Variants in CA10 observed in about 807,000 individuals in gnomAD.
The protein encoded by CA10 is carbonic anhydrase-related protein 10.
Under a neutral mutation model 44.2 loss-of-function variants are expected in CA10, and 14 were observed. The observed-to-expected ratio is 0.32, with a 90% CI of 0.21 to 0.50. The LOEUF (loss-of-function observed/expected upper bound fraction) is 0.50, where lower values mean the gene tolerates loss of function less well. Among genes scored for constraint, CA10 ranks in the 20% least tolerant of loss-of-function variants. The pLI is 0.99. For synonymous variants in CA10, 159 were observed against 141.6 expected, an observed-to-expected ratio of 1.12 and a Z score of -0.87; for missense variants, 350 against 409.7, an observed-to-expected ratio of 0.85 and a Z score of 1.26.
At chr17:51,916,249 T>C (rs533914269) in intron 3 of CA10, among the ~76,000 whole-genome samples, 41 of 152,304 alleles carry the variant, frequency 2.7e-4, no homozygotes, top group Admixed American at 1.5e-3. Flanking sequence ...GTTGAGAACA[T>C]TGTGACTGCA....
rs1913902584 is a variant in CA10 at position 51,659,023 on chromosome 17, A to G, written c.466-5287T>C. Among the ~76,000 whole-genome samples, 3 of 152,148 alleles carry G rather than the reference A, an allele frequency of 2.0e-5. No individual in the cohort carries two copies. The South Asian group carries it at 6.2e-4, about 32-fold the overall frequency. ...AGGCAAATTTGTGATGGTTAATTTTATATGGCAACTTGACTGGGCAAAGGG... is the reference window on the plus strand; with the variant it reads ...AGGCAAATTTGTGATGGTTAATTTTGTATGGCAACTTGACTGGGCAAAGGG... On this transcript the variant is annotated intron_variant, in intron 4 of 8. Coordinates refer to ENST00000451037, the MANE Select transcript of CA10 (RefSeq NM_020178.5).
intron 3 of CA10, among the ~76,000 whole-genome samples, chr17:51,787,642 C>T (rs1906343387): frequency 6.6e-6 from 1 of 152,070 alleles, no homozygotes; most frequent in South Asian, 2.1e-4. Context: ...AGGTGCACAC[C>T]ACCATGCCTG....
In CA10 at chr17:51,974,690, C is replaced by T. The variant is rs79810518; in HGVS notation, c.137-43558G>A. ...CTGAAAACTTATTTTACTATTTTAC[C>T]GAAAATAAAATTTTAAAAGCTGTCA... On this transcript the variant is annotated intron_variant, in intron 2 of 8. Coordinates refer to ENST00000451037, the MANE Select transcript of CA10 (RefSeq NM_020178.5). Among the ~76,000 whole-genome samples the T allele has an allele frequency of 2.8e-4, 42 of 151,414 alleles. 2 individuals carry two copies. In the East Asian group the frequency reaches 8.0e-3, roughly 29 times the overall value.
At chr17:51,790,521 T>C (rs1436027470) in intron 3 of CA10, among the ~76,000 whole-genome samples, 2 of 152,252 alleles carry the variant, frequency 1.3e-5, no homozygotes, top group Non-Finnish European at 2.9e-5. Context: ...TTTGTCTACC[T>C]TGAACACATT....
chr17:51,799,368 A>G (rs750607766), intron 3 of CA10, among the ~76,000 whole-genome samples: 2 of 152,198 alleles, frequency 1.3e-5, no homozygotes, highest in African/African-American at 2.4e-5. Flanking sequence ...TCTGTAAGTC[A>G]TCTAGGCAGC....
chr17:51,975,287 A>G (rs1261061483), intron 2 of CA10, among the ~76,000 whole-genome samples: 6 of 152,234 alleles, frequency 3.9e-5, no homozygotes, highest in Non-Finnish European at 2.9e-5. Flanking sequence ...AGAAAATAAA[A>G]TCATAGTGTG....
intron 3 of CA10, among the ~76,000 whole-genome samples, chr17:51,918,791 G>T (rs1272032390): frequency 2.0e-5 from 3 of 152,136 alleles, no homozygotes; most frequent in African/African-American, 7.2e-5. Context: ...CACATTATTT[G>T]CAGTTTGGAT....
chr17:51,825,879 C>T (rs1907988483), intron 3 of CA10, among the ~76,000 whole-genome samples: 3 of 152,222 alleles, frequency 2.0e-5, no homozygotes, highest in Admixed American at 6.5e-5. Flanking sequence ...CCTGATACTC[C>T]AAGATAGGAC....
chr17:52,133,640 A>G lies in CA10; in HGVS notation c.61+24086T>C, dbSNP rs148632446. Among the ~76,000 whole-genome samples the G allele has an allele frequency of 3.3e-3, 499 of 152,262 alleles. 2 individuals carry two copies. Among genetic ancestry groups the G allele is most frequent in the African/African-American group, 0.011 (475 of 41,554 alleles). Reference sequence around the variant, plus strand: ...TTTGACAAATTTTTACTTGTTCTTAATTCTAGCTCAAAGTTCACCTCCTTT... The same window carrying G: ...TTTGACAAATTTTTACTTGTTCTTAGTTCTAGCTCAAAGTTCACCTCCTTT... On this transcript the variant is annotated intron_variant, in intron 1 of 8. Transcript: ENST00000451037.
chr17:52,084,256 G>A (rs1177182550), intron 1 of CA10, among the ~76,000 whole-genome samples: 1 of 152,192 alleles, frequency 6.6e-6, no homozygotes, highest in Admixed American at 6.5e-5. Context: ...ATTTGCCATG[G>A]TGGGACATAA....
chr17:51,748,018 T>C (rs962650537), intron 3 of CA10, among the ~76,000 whole-genome samples, 200 bp from the exon 4 acceptor site: 3 of 152,208 alleles, frequency 2.0e-5, no homozygotes, highest in Admixed American at 6.5e-5. Flanking sequence ...ATAAACCACA[T>C]GATGGCTTAG....
At chr17:52,108,632 G>A (rs578233986) in intron 1 of CA10, among the ~76,000 whole-genome samples, 24 of 148,462 alleles carry the variant, frequency 1.6e-4, no homozygotes, top group East Asian at 6.0e-4. Context: ...CCTGGGAGGT[G>A]GAGGTTGCAG....
chr17:52,109,863 T>C (rs1210939306), intron 1 of CA10, among the ~76,000 whole-genome samples: 1 of 152,184 alleles, frequency 6.6e-6, no homozygotes, highest in Non-Finnish European at 1.5e-5. Flanking sequence ...AAGAATCATG[T>C]TCCTTTCTGA....
At chr17:51,929,920 G>A (rs1004082865) in intron 3 of CA10, among the ~76,000 whole-genome samples, 1 of 152,032 alleles carries the variant, frequency 6.6e-6, no homozygotes, top group African/African-American at 2.4e-5. Context: ...AAATGGTGTC[G>A]ACCACATGCA....
intron 3 of CA10, among the ~76,000 whole-genome samples, chr17:51,777,093 GAA>G (rs1360752086): frequency 6.6e-6 from 1 of 152,024 alleles, no homozygotes; most frequent in African/African-American, 2.4e-5. Flanking sequence ...AAAATGAGAG[GAA>G]AAAAGAGAGA....
chr17:51,774,123 T>C (rs990893542), intron 3 of CA10, among the ~76,000 whole-genome samples: 6 of 152,212 alleles, frequency 3.9e-5, no homozygotes, highest in Non-Finnish European at 7.3e-5. Flanking sequence ...GTCAAGAACA[T>C]TCTCCAAAGT....
chr17:52,055,766 G>A (rs1309554260), intron 2 of CA10, among the ~76,000 whole-genome samples: 2 of 152,124 alleles, frequency 1.3e-5, no homozygotes, highest in Non-Finnish European at 2.9e-5. Flanking sequence ...GAATGGCAGT[G>A]TCTGAATATA....
Position 52,024,507 on chromosome 17 carries a change from G to T in CA10, c.136+47812C>A, listed in dbSNP as rs1165981794. ...CCAAATCACAAGCTGGAGTCAGTGGGGGGTGGGAGGGGGTAAAGCTACTGC... is the reference window on the plus strand; with the variant it reads ...CCAAATCACAAGCTGGAGTCAGTGGTGGGTGGGAGGGGGTAAAGCTACTGC... On this transcript the variant is annotated intron_variant, in intron 2 of 8. Coordinates refer to ENST00000451037, the MANE Select transcript of CA10 (RefSeq NM_020178.5). 2.0e-5 allele frequency among the ~76,000 whole-genome samples: 3 copies of T among 151,872 alleles called. No homozygotes were observed. The East Asian group carries it at 5.8e-4, about 30-fold the overall frequency.
intron 3 of CA10, among the ~76,000 whole-genome samples, chr17:51,923,371 TAA>T (rs754895351): frequency 1.2e-3 from 180 of 152,296 alleles, no homozygotes; most frequent in Non-Finnish European, 1.6e-3. Flanking sequence ...ACCTCTTCCA[TAA>T]AGTCTTGTTT....
Sources: allele counts gnomAD v4.1 joint callset (sites outside exome capture counted in the v4.1 genomes callset), GRCh38; gene constraint gnomAD v4.1.1; transcripts MANE v1.5; gene names NCBI Gene and HGNC (gene_info 2026-07-23, HGNC 2026-07-21).